Variants in PARD3B observed in about 807,000 individuals in gnomAD.
PARD3B encodes par-3 family cell polarity regulator beta.
In PARD3B, 103 loss-of-function variants were observed where a neutral mutation model predicts 130.2. That is an observed-to-expected ratio of 0.79 (90% CI 0.67 to 0.93). The LOEUF is 0.93. PARD3B is among the 40% of genes least tolerant of loss of function. PARD3B has a pLI of 0.00. For missense variants in PARD3B, 1,609 were observed against 1,499.2 expected, an observed-to-expected ratio of 1.07 and a Z score of -1.21; for synonymous variants, 583 against 553.2, an observed-to-expected ratio of 1.05 and a Z score of -0.76.
chr2:205,467,800 A>G (rs1476105519), intron 20 of PARD3B, among the ~76,000 whole-genome samples: 2 of 152,330 alleles, frequency 1.3e-5, no homozygotes, highest in African/African-American at 2.4e-5. Context: ...CTCCCATTTC[A>G]TGGTAGTTCC....
intron 2 of PARD3B, among the ~76,000 whole-genome samples, chr2:204,870,548 C>G (rs74342535): frequency 0.015 from 2,292 of 152,196 alleles, 65 homozygotes; most frequent in African/African-American, 0.053. Flanking sequence ...TCGGGGTAAG[C>G]GTTTCAAGCC....
rs551560513 is a variant in PARD3B, at chr2:204,942,520, T to C, written c.223-22632T>C. ...TCTGAATTCTGAATTTTATTGAAGT[T>C]TTATCCCAAGAGAGAAGTAGAGTGA... is the stretch of plus-strand genomic sequence containing the variant. On this transcript the variant is annotated intron_variant, in intron 2 of 22. Transcript: ENST00000406610. 3.3e-5 allele frequency among the ~76,000 whole-genome samples: 5 copies of C among 152,262 alleles called. No individual in the cohort carries two copies. In the South Asian group the frequency reaches 1.0e-3, roughly 32 times the overall value.
chr2:204,709,326 A>G (rs916717025), intron 2 of PARD3B, among the ~76,000 whole-genome samples: 5 of 152,208 alleles, frequency 3.3e-5, no homozygotes, highest in Non-Finnish European at 7.3e-5. Flanking sequence ...GTGAGAGAAA[A>G]CAGTACCAAG....
At chr2:205,310,081 C>T (rs1321613284) in intron 18 of PARD3B, among the ~76,000 whole-genome samples, 1 of 136,840 alleles carries the variant, frequency 7.3e-6, no homozygotes, top group Non-Finnish European at 1.5e-5. Flanking sequence ...TTAAAATCTA[C>T]TCTTTTTTTT....
chr2:204,857,655 G>A (rs902392196), intron 2 of PARD3B, among the ~76,000 whole-genome samples: 1 of 152,138 alleles, frequency 6.6e-6, no homozygotes, highest in Non-Finnish European at 1.5e-5. Context: ...CTGGGGGACA[G>A]GGGTCAAACA....
chr2:204,971,484 G>A (rs962999617), intron 3 of PARD3B, among the ~76,000 whole-genome samples: 7 of 152,174 alleles, frequency 4.6e-5, no homozygotes, highest in African/African-American at 7.2e-5. Flanking sequence ...TTAAAATTGC[G>A]TAGATGAATT....
intron 2 of PARD3B, among the ~76,000 whole-genome samples, chr2:204,700,564 A>C (rs1373447098): frequency 6.6e-6 from 1 of 152,122 alleles, no homozygotes; most frequent in African/African-American, 2.4e-5. Flanking sequence ...CAGCCAAATC[A>C]GTGTTTTATA....
intron 22 of PARD3B, among the ~76,000 whole-genome samples, chr2:205,596,312 C>T (rs922236720): frequency 5.9e-5 from 9 of 152,114 alleles, no homozygotes; most frequent in African/African-American, 1.7e-4. Context: ...AGTTCAGTAA[C>T]CTTTGTGCTA....
intron 1 of PARD3B, among the ~76,000 whole-genome samples, chr2:204,668,317 G>A (rs1392963180): frequency 1.3e-5 from 2 of 152,176 alleles, no homozygotes; most frequent in East Asian, 3.8e-4. Context: ...ATTGAAATAT[G>A]TGTTTGGCTC....
intron 2 of PARD3B, among the ~76,000 whole-genome samples, chr2:204,929,088 A>T (rs1446459934): frequency 1.3e-5 from 2 of 151,402 alleles, no homozygotes; most frequent in Non-Finnish European, 2.9e-5. Flanking sequence ...TGGTTTTCTT[A>T]ACCAGAATAC....
At chr2:205,354,105 C>T (rs933384506) in intron 18 of PARD3B, among the ~76,000 whole-genome samples, 2 of 134,960 alleles carry the variant, frequency 1.5e-5, no homozygotes, top group South Asian at 2.4e-4. Flanking sequence ...GTGACATGAA[C>T]GTGGCTCACT....
chr2:205,031,241 A>G (rs1217438765), intron 3 of PARD3B, among the ~76,000 whole-genome samples: 1 of 152,126 alleles, frequency 6.6e-6, no homozygotes, highest in Non-Finnish European at 1.5e-5. Context: ...TGTGAAGGCA[A>G]CTCTGTGTGT....
chr2:204,708,506 T>G (rs1227282069), intron 2 of PARD3B, among the ~76,000 whole-genome samples: 1 of 152,228 alleles, frequency 6.6e-6, no homozygotes, highest in African/African-American at 2.4e-5. Context: ...TATTCGGGTT[T>G]TAGAATTCTT....
intron 21 of PARD3B, among the ~76,000 whole-genome samples, chr2:205,517,842 C>T (rs112228865): frequency 1.4e-4 from 21 of 152,210 alleles, no homozygotes; most frequent in African/African-American, 4.1e-4. Context: ...CATTATTTGC[C>T]AAGAAGTCAC....
chr2:204,716,549 A>G (rs576366170), intron 2 of PARD3B, among the ~76,000 whole-genome samples: 1 of 151,416 alleles, frequency 6.6e-6, no homozygotes, highest in East Asian at 2.0e-4. Context: ...AATGGACTGT[A>G]TGTAAAATTA....
chr2:205,151,021 C>T (rs779913824), intron 10 of PARD3B, among the ~76,000 whole-genome samples: 4 of 152,110 alleles, frequency 2.6e-5, no homozygotes, highest in Non-Finnish European at 4.4e-5. Context: ...CATACAAATT[C>T]GTAAGAATAT....
At chr2:204,590,788 T>G (rs1438220179) in intron 1 of PARD3B, among the ~76,000 whole-genome samples, 1 of 152,210 alleles carries the variant, frequency 6.6e-6, no homozygotes, top group Non-Finnish European at 1.5e-5. Flanking sequence ...GTTGAAAGAA[T>G]TAGTCAAAAT....
chr2:205,466,913 A>G (rs1431437003), intron 20 of PARD3B, among the ~76,000 whole-genome samples: 4 of 152,172 alleles, frequency 2.6e-5, no homozygotes, highest in Admixed American at 2.6e-4. Context: ...GGGTTTCACC[A>G]TGTTGGCCAG....
At chr2:205,248,398 G>A (rs549220288) in intron 16 of PARD3B, among the ~76,000 whole-genome samples, 1 of 150,788 alleles carries the variant, frequency 6.6e-6, no homozygotes, top group African/African-American at 2.5e-5. Flanking sequence ...GGTGGTGGTG[G>A]TGGTGGTGGT....
Sources: gnomAD v4.1 joint callset for allele counts (sites outside exome capture counted in the v4.1 genomes callset) on GRCh38, gnomAD v4.1.1 for gene constraint, MANE v1.5 for transcripts, NCBI Gene and HGNC (gene_info 2026-07-23, HGNC 2026-07-21) for gene names.